The following PCDHGA3 variants were observed in gnomAD, a reference collection of about 807,000 sequenced individuals.
PCDHGA3 encodes the protein protocadherin gamma subfamily A, 3, also known as protocadherin gamma-A3.
A neutral mutation model predicts 58.5 loss-of-function variants in PCDHGA3; 40 were observed. That is an observed-to-expected ratio of 0.68 (90% CI 0.53 to 0.89). The LOEUF (loss-of-function observed/expected upper bound fraction) is 0.89, where lower values mean the gene tolerates loss of function less well. PCDHGA3 is among the 40% of genes least tolerant of loss of function. PCDHGA3 has a pLI of 0.00. For missense variants in PCDHGA3, 1,223 were observed against 1,195.9 expected (o/e 1.02, Z -0.33); for synonymous variants, 530 against 525.7 (o/e 1.01, Z -0.11).
intron 1 of PCDHGA3, among the ~76,000 whole-genome samples, chr5:141,349,304 A>G (rs1417210501): frequency 6.6e-6 from 1 of 152,112 alleles, no homozygotes; most frequent in Non-Finnish European, 1.5e-5. Context: ...TCCTGACCTC[A>G]TGTGTTCTTC....
At chr5:141,495,020 C>G in intron 2 of PCDHGA3, 155 bp downstream of exon 2, 1 of 976,790 alleles carries the variant, frequency 1.0e-6, no homozygotes, top group Non-Finnish European at 1.2e-6. Context: ...GGCTGGCACA[C>G]AGACCCCGGA....
intron 1 of PCDHGA3, chr5:141,350,994 G>A: frequency 1.2e-6 from 2 of 1,614,076 alleles, no homozygotes; most frequent in South Asian, 1.1e-5. Flanking sequence ...GAGGTATACA[G>A]GGTTAGCCTC....
chr5:141,362,444 T>C, intron 1 of PCDHGA3: 4 of 1,614,058 alleles, frequency 2.5e-6, no homozygotes, highest in Non-Finnish European at 3.4e-6. Flanking sequence ...TTTCTGAACA[T>C]AACCCCGGAA....
chr5:141,401,350 A>G (rs1046893336), intron 1 of PCDHGA3, among the ~76,000 whole-genome samples: 2 of 152,226 alleles, frequency 1.3e-5, no homozygotes, highest in Non-Finnish European at 2.9e-5. Flanking sequence ...CTCAAAAAAA[A>G]GGAAGGAGAA....
At chr5:141,461,663 G>C (rs1230719552) in intron 1 of PCDHGA3, among the ~76,000 whole-genome samples, 1 of 151,984 alleles carries the variant, frequency 6.6e-6, no homozygotes, top group Admixed American at 6.6e-5. Flanking sequence ...TTATTTTAAA[G>C]TTTGTTATTT....
In PCDHGA3 at chr5:141,415,740, GTTTTTTTTTT is replaced by G. The variant is rs57426385; in HGVS notation, c.2424+69306_2424+69315del. The G allele has an allele frequency of 4.3e-3, 2,655 of 623,934 alleles. 2 individuals carry two copies. The highest frequency in any genetic ancestry group is 4.3e-3 in the Non-Finnish European group (2,016 of 468,394). The allele number at this position is 623,934 out of a possible 1,614,324, so 38.6% of individuals were successfully genotyped here. ...TGAGTAGAATTTGATGTTTATTAAG[GTTTTTTTTTT>G]TTTTTTTTTTTTTTTTTTTTTTACT... On this transcript the variant is annotated intron_variant, in intron 1 of 3. Coordinates refer to ENST00000253812, the MANE Select transcript of PCDHGA3 (RefSeq NM_018916.4).
intron 1 of PCDHGA3, chr5:141,384,930 C>G (rs764481830): frequency 6.2e-7 from 1 of 1,614,060 alleles, no homozygotes; most frequent in Admixed American, 1.7e-5. Context: ...ACCTGGGCAG[C>G]CTTGAGCCCT....
chr5:141,485,093 T>C lies in PCDHGA3; in HGVS notation c.2425-9714T>C. 1 of 1,076,296 alleles carries C rather than the reference T, an allele frequency of 9.3e-7. No homozygotes were observed. Among genetic ancestry groups the C allele is most frequent in the Non-Finnish European group, 1.4e-6 (1 of 718,118 alleles). 66.7% of individuals were successfully genotyped at this position (1,076,296 alleles called of 1,614,324 possible). ...TGGCGCGGGGAAAGGGAGATAGGTG[T>C]CTCCAGCTGCTGTGGCTGTTTGGGG... On this transcript the variant is annotated intron_variant, in intron 1 of 3. Coordinates refer to ENST00000253812, the MANE Select transcript of PCDHGA3 (RefSeq NM_018916.4). The surrounding 1 kb of genome is among the most constrained non-coding windows in gnomAD (Gnocchi z 5.7).
At chr5:141,351,084 CCTA>C in intron 1 of PCDHGA3, 2 of 1,614,002 alleles carry the variant, frequency 1.2e-6, no homozygotes, top group South Asian at 2.2e-5. Flanking sequence ...GCAGAGATCA[CCTA>C]TGCCTTCCTC....
chr5:141,384,703 G>C lies in PCDHGA3; in HGVS notation c.2424+38246G>C, dbSNP rs776947081. ...GGTGGACAAAGATTCAGGCCAGAAC[G>C]CCTGGCTGTCATACCTCCTGCTTAA... On this transcript the variant is annotated intron_variant, in intron 1 of 3. Transcript: ENST00000253812. 2 of 1,613,982 alleles carry C rather than the reference G, an allele frequency of 1.2e-6. No individual in the cohort carries two copies. Among genetic ancestry groups the C allele is most frequent in the African/African-American group, 1.3e-5 (1 of 74,932 alleles).
At chr5:141,422,989 C>T (rs777558098) in intron 1 of PCDHGA3, 1 of 1,614,232 alleles carries the variant, frequency 6.2e-7, no homozygotes, top group African/African-American at 1.3e-5. Flanking sequence ...ACCTGGCTAC[C>T]TGGTGACCAA....
chr5:141,371,993 G>C, intron 1 of PCDHGA3: 2 of 1,613,268 alleles, frequency 1.2e-6, no homozygotes, highest in Non-Finnish European at 1.7e-6. Context: ...TCACTCTGCA[G>C]GCCCGCGACC....
chr5:141,509,499 T>C (rs895353804), intron 3 of PCDHGA3, among the ~76,000 whole-genome samples: 1 of 152,128 alleles, frequency 6.6e-6, no homozygotes, highest in Non-Finnish European at 1.5e-5. Flanking sequence ...GCATGCTGGA[T>C]GTGACGGTGT....
chr5:141,432,652 C>T lies in PCDHGA3; in HGVS notation c.2425-62155C>T, dbSNP rs1004936183. On this transcript the variant is annotated intron_variant, in intron 1 of 3. Transcript: ENST00000253812. This position sits in a 1 kb window ranked among gnomAD's most constrained non-coding sequence, Gnocchi z 6.0. ...CGGGCGAGGTGCGCACGGCGCGAGC[C>T]CTGCTGGACAGAGACGCGCTCAAGC... The T allele has an allele frequency of 6.2e-7, 1 of 1,613,836 alleles. No individual in the cohort carries two copies. Among genetic ancestry groups the T allele is most frequent in the East Asian group, 2.2e-5 (1 of 44,860 alleles).
intron 1 of PCDHGA3, among the ~76,000 whole-genome samples, chr5:141,467,330 G>T (rs1335387199): frequency 6.6e-6 from 1 of 152,138 alleles, no homozygotes; most frequent in East Asian, 1.9e-4. Context: ...TGGGATTAGA[G>T]ACGTAAGCCA....
chr5:141,383,705 T>C lies in PCDHGA3; in HGVS notation c.2424+37248T>C, dbSNP rs765563941. The C allele has an allele frequency of 5.0e-6, 8 of 1,614,020 alleles. No individual in the cohort carries two copies. In the South Asian group the frequency reaches 8.8e-5, roughly 18 times the overall value. ...CTGCTCACGGTACATGCTATCGACC[T>C]GGACGAGGGAGTCAATGGGGAAGTG... On this transcript the variant is annotated intron_variant, in intron 1 of 3. Transcript: ENST00000253812.
chr5:141,376,073 G>A (rs767716077), intron 1 of PCDHGA3: 1 of 1,613,508 alleles, frequency 6.2e-7, no homozygotes, highest in Non-Finnish European at 8.5e-7. Context: ...CACCGTGGCC[G>A]TGGCCGACAG....
At chr5:141,364,378 C>G (rs1453338344) in intron 1 of PCDHGA3, 3 of 1,578,948 alleles carry the variant, frequency 1.9e-6, no homozygotes, top group African/African-American at 1.4e-5. Context: ...TGCTGCTGCC[C>G]TTCATGCTCC....
rs752412467 is a variant in PCDHGA3 at position 141,405,390 on chromosome 5, TTTTC to T, written c.2424+58945_2424+58948del. On this transcript the variant is annotated intron_variant, in intron 1 of 3. Transcript: ENST00000253812. ...CCTTTGGTTCCGGTGAGTTCATTTTTTTTCTTTCTTTCTTTTCTTTTTTTGTTTT... is the reference window on the plus strand; with the variant it reads ...CCTTTGGTTCCGGTGAGTTCATTTTTTTTCTTTCTTTTCTTTTTTTGTTTT... 1.6e-5 allele frequency: 26 copies of T among 1,600,118 alleles called. No homozygotes were observed. The East Asian group carries it at 1.8e-4, about 11-fold the overall frequency.
Sources: gnomAD v4.1 joint callset for allele counts (sites outside exome capture counted in the v4.1 genomes callset) on GRCh38, gnomAD v4.1.1 for gene constraint, Gnocchi (gnomAD v3.1) non-coding constraint, MANE v1.5 for transcripts, NCBI Gene and HGNC (gene_info 2026-07-23, HGNC 2026-07-21) for gene names.